Variants in CCSER1 observed in about 807,000 individuals in gnomAD.
The protein encoded by CCSER1 is coiled-coil serine rich protein 1.
A neutral mutation model predicts 82.0 loss-of-function variants in CCSER1; 41 were observed. The observed-to-expected ratio is 0.50, with a 90% CI of 0.39 to 0.65. The LOEUF (loss-of-function observed/expected upper bound fraction) is 0.65, where lower values mean the gene tolerates loss of function less well. CCSER1 is among the 30% of genes least tolerant of loss of function. CCSER1 has a pLI of 0.00. For missense variants in CCSER1, 1,119 were observed against 1,064.2 expected (o/e 1.05, Z -0.72); for synonymous variants, 414 against 383.9 (o/e 1.08, Z -0.92).
chr4:91,534,269 C>T (rs1291177959), intron 10 of CCSER1, among the ~76,000 whole-genome samples: 2 of 152,032 alleles, frequency 1.3e-5, no homozygotes, highest in East Asian at 3.8e-4. Context: ...GCATTTCTGT[C>T]TCTATCATTT....
chr4:91,599,064 C>A lies in CCSER1; in HGVS notation c.*7C>A. On this transcript the variant is annotated 3_prime_UTR_variant, in exon 11 of 11. Transcript: ENST00000509176. ...AGGCCAGCAGGATGGGTAATTAAAT[C>A]ACCGTATTCCTGTCTTTGGGTAGGA... is the stretch of plus-strand genomic sequence containing the variant. The A allele has an allele frequency of 6.6e-7, 1 of 1,525,010 alleles. No individual in the cohort carries two copies. Among genetic ancestry groups the A allele is most frequent in the South Asian group, 1.2e-5 (1 of 81,510 alleles). The allele number at this position is 1,525,010 out of a possible 1,614,324, so 94.5% of individuals were successfully genotyped here. A position where few individuals can be genotyped will look rare whatever the true frequency, so the allele number is the denominator to read the frequency against.
intron 3 of CCSER1, among the ~76,000 whole-genome samples, chr4:90,359,096 A>G (rs1744849609): frequency 6.6e-6 from 1 of 152,190 alleles, no homozygotes; most frequent in Admixed American, 6.5e-5. Context: ...AAGATATGAC[A>G]GGCCTAAATG....
chr4:90,704,751 T>C (rs1310449219), intron 6 of CCSER1, among the ~76,000 whole-genome samples: 1 of 152,234 alleles, frequency 6.6e-6, no homozygotes, highest in African/African-American at 2.4e-5. Context: ...TACCATTTCT[T>C]CCAGTTGATT....
intron 1 of CCSER1, among the ~76,000 whole-genome samples, chr4:90,163,871 A>G (rs1379084984): frequency 2.0e-5 from 3 of 152,144 alleles, no homozygotes; most frequent in Non-Finnish European, 4.4e-5. Context: ...GGAGGAGTGT[A>G]TTCACTAAAA....
chr4:91,018,153 G>A (rs932139863), intron 9 of CCSER1, among the ~76,000 whole-genome samples: 6 of 151,784 alleles, frequency 4.0e-5, no homozygotes, highest in Non-Finnish European at 7.4e-5. Flanking sequence ...TTAATACTTC[G>A]CACAATTCTT....
intron 6 of CCSER1, among the ~76,000 whole-genome samples, chr4:90,681,915 A>G (rs1733959383): frequency 6.6e-6 from 1 of 152,052 alleles, no homozygotes; most frequent in Non-Finnish European, 1.5e-5. Context: ...AGGAAGAAAT[A>G]TCTAATGTTT....
chr4:90,574,020 G>GT (rs986454504), intron 5 of CCSER1, among the ~76,000 whole-genome samples: 83 of 144,406 alleles, frequency 5.7e-4, no homozygotes, highest in Non-Finnish European at 7.5e-4. Flanking sequence ...GAAGGATATT[G>GT]TTTTTTTTTT....
At chr4:90,998,189 T>G (rs1383057186) in intron 9 of CCSER1, among the ~76,000 whole-genome samples, 1 of 152,160 alleles carries the variant, frequency 6.6e-6, no homozygotes, top group East Asian at 1.9e-4. Flanking sequence ...CAAGCAATTC[T>G]CTTGCCTCAG....
chr4:90,928,002 T>A (rs1729273144), intron 9 of CCSER1, among the ~76,000 whole-genome samples: 1 of 152,150 alleles, frequency 6.6e-6, no homozygotes, highest in Non-Finnish European at 1.5e-5. Flanking sequence ...AAGTTTCTGT[T>A]TTGCTCTTAT....
chr4:90,673,778 G>T (rs1733263820), intron 6 of CCSER1, among the ~76,000 whole-genome samples: 1 of 151,910 alleles, frequency 6.6e-6, no homozygotes, highest in Non-Finnish European at 1.5e-5. Context: ...TAGTCAAGCA[G>T]ATACAACCCA....
intron 10 of CCSER1, among the ~76,000 whole-genome samples, chr4:91,095,603 C>T (rs1015540278): frequency 6.6e-6 from 1 of 152,158 alleles, no homozygotes; most frequent in African/African-American, 2.4e-5. Context: ...TAACTAAGGC[C>T]ATGTTAATCA....
In CCSER1 at chr4:90,282,692, T is replaced by A. The variant is rs547309318; in HGVS notation, c.-41-25552T>A. ...ACTTTGGTTACAAATCACTGAATACTATTGGTTAAAGAAAGTCATATACAT... is the reference window on the plus strand; with the variant it reads ...ACTTTGGTTACAAATCACTGAATACAATTGGTTAAAGAAAGTCATATACAT... On this transcript the variant is annotated intron_variant, in intron 1 of 10. Transcript: ENST00000509176. Among the ~76,000 whole-genome samples, 4 of 152,094 alleles carry A rather than the reference T, an allele frequency of 2.6e-5. No individual in the cohort carries two copies. In the East Asian group the frequency reaches 7.7e-4, roughly 29 times the overall value.
chr4:90,403,498 C>CA (rs753570201), intron 4 of CCSER1, among the ~76,000 whole-genome samples: 4,596 of 45,064 alleles, frequency 0.1, 340 homozygotes, highest in East Asian at 0.3. Flanking sequence ...GACTCCGTCT[C>CA]AAAAAAAAAA....
chr4:91,372,122 G>T (rs1372400585), intron 10 of CCSER1, among the ~76,000 whole-genome samples: 1 of 152,114 alleles, frequency 6.6e-6, no homozygotes, highest in African/African-American at 2.4e-5. Flanking sequence ...TATGGCTTTT[G>T]ATCAATTGAG....
rs187572376 is a variant in CCSER1, at chr4:90,158,959, G to A, written c.-42+31128G>A. ...TCAGATGGAAATGCAGAAATCACCCGTCTTCTGCTTCACTCACACTGGGAG... is the reference window on the plus strand; with the variant it reads ...TCAGATGGAAATGCAGAAATCACCCATCTTCTGCTTCACTCACACTGGGAG... On this transcript the variant is annotated intron_variant, in intron 1 of 10. Coordinates refer to ENST00000509176, the MANE Select transcript of CCSER1 (RefSeq NM_001145065.2). Among the ~76,000 whole-genome samples the A allele has an allele frequency of 1.5e-3, 232 of 152,172 alleles. 2 individuals carry two copies. The highest frequency in any genetic ancestry group is 5.3e-3 in the African/African-American group (221 of 41,526).
chr4:90,963,903 A>G (rs1392701701), intron 9 of CCSER1, among the ~76,000 whole-genome samples: 2 of 152,218 alleles, frequency 1.3e-5, no homozygotes, highest in African/African-American at 2.4e-5. Flanking sequence ...GTTGTCAAAT[A>G]TTCTTTTTAT....
intron 9 of CCSER1, among the ~76,000 whole-genome samples, chr4:90,950,117 G>A (rs115077361): frequency 4.8e-4 from 73 of 152,180 alleles, no homozygotes; most frequent in African/African-American, 1.7e-3. Context: ...TGTGCAAGAA[G>A]AACCACAGTT....
intron 3 of CCSER1, among the ~76,000 whole-genome samples, chr4:90,382,793 A>G (rs1472242999): frequency 6.6e-6 from 1 of 152,148 alleles, no homozygotes; most frequent in African/African-American, 2.4e-5. Context: ...TGAATGAAAT[A>G]CAAAGTTATT....
intron 1 of CCSER1, among the ~76,000 whole-genome samples, chr4:90,200,452 TA>T (rs1353594234): frequency 4.6e-5 from 7 of 151,128 alleles, no homozygotes; most frequent in Admixed American, 2.6e-4. Context: ...TTTTTTCAGC[TA>T]AAAAAAAATT....
Sources: gnomAD v4.1 joint callset for allele counts (sites outside exome capture counted in the v4.1 genomes callset) on GRCh38, gnomAD v4.1.1 for gene constraint, MANE v1.5 for transcripts, NCBI Gene and HGNC (gene_info 2026-07-23, HGNC 2026-07-21) for gene names.